The following FCHO1 variants were observed in gnomAD, a reference collection of about 807,000 sequenced individuals.
FCHO1 encodes the protein F-BAR domain only protein 1.
Under a neutral mutation model 114.4 loss-of-function variants are expected in FCHO1, and 45 were observed. The ratio of observed to expected loss-of-function variants is 0.39; its 90% confidence interval spans 0.31 to 0.50. FCHO1 has a LOEUF of 0.50. Among genes scored for constraint, FCHO1 ranks in the 20% least tolerant of loss-of-function variants. FCHO1 has a pLI of 0.77. For synonymous variants in FCHO1, 480 were observed against 488.9 expected (o/e 0.98, Z 0.24); for missense variants, 1,042 against 1,209.6 (o/e 0.86, Z 2.06).
At chr19:17,760,198 G>T (rs1188600628) in intron 4 of FCHO1, among the ~76,000 whole-genome samples, 1 of 151,976 alleles carries the variant, frequency 6.6e-6, no homozygotes, top group Non-Finnish European at 1.5e-5. Context: ...TTATAGGCAT[G>T]TGCCACCACG....
intron 4 of FCHO1, chr19:17,755,536 A>C: frequency 4.5e-6 from 1 of 222,116 alleles, no homozygotes; most frequent in Non-Finnish European, 8.9e-6. Flanking sequence ...CCAGCCAGGG[A>C]ACTTCCACCC....
chr19:17,774,561 T>C, intron 13 of FCHO1, 83 bp downstream of exon 13: 3 of 1,117,068 alleles, frequency 2.7e-6, no homozygotes, highest in East Asian at 4.9e-5. Context: ...AGTCCCCTCC[T>C]AGGATAGCCC....
Position 17,767,205 on chromosome 19 carries a change from A to G in FCHO1, c.336+395A>G, listed in dbSNP as rs559900871. Among the ~76,000 whole-genome samples the G allele has an allele frequency of 4.0e-4, 61 of 151,478 alleles. 1 individual carries two copies. The South Asian group carries it at 0.012, about 30-fold the overall frequency. On this transcript the variant is annotated intron_variant, in intron 7 of 28. Transcript: ENST00000596536. Reference sequence around the variant, plus strand: ...AAGCGAACCTCCTGCCTCAGCCCCCACAGAATAGCTGGGACTACGTTGCAC... The same window carrying G: ...AAGCGAACCTCCTGCCTCAGCCCCCGCAGAATAGCTGGGACTACGTTGCAC...
At chr19:17,762,913 C>T in intron 5 of FCHO1, 60 bp downstream of exon 5, 1 of 1,167,544 alleles carries the variant, frequency 8.6e-7, no homozygotes, top group Non-Finnish European at 1.3e-6. Flanking sequence ...GTCACGCCCA[C>T]CTAATGGCTA....
Position 17,774,282 on chromosome 19 carries a change from A to G in FCHO1, c.834A>G (p.Glu278=). Reference sequence around the variant, plus strand: ...CATACAGTGCGGCTGCCCTGCAGGAAGGCAAGTACGTCTGGGCCTGGATGC... The same window carrying G: ...CATACAGTGCGGCTGCCCTGCAGGAGGGCAAGTACGTCTGGGCCTGGATGC... ...FEAYSAAALQ[E]AMKRLRGAKA... The change falls in exon 12 of 29, where the codon GAA becomes GAG. Residue 278 remains glutamate (E), a splice_region_variant and synonymous_variant. Transcript: ENST00000596536. 6.2e-6 allele frequency: 10 copies of G among 1,614,096 alleles called. No individual in the cohort carries two copies. The highest frequency in any genetic ancestry group is 8.5e-6 in the Non-Finnish European group (10 of 1,180,010).
chr19:17,749,077 C>G (rs1349603826), upstream of FCHO1, among the ~76,000 whole-genome samples: 3 of 152,168 alleles, frequency 2.0e-5, no homozygotes, highest in Non-Finnish European at 4.4e-5. Context: ...CATCGCCACC[C>G]TGGTCTCACC....
rs750765374 is a variant in FCHO1, at chr19:17,787,695, C to A, written c.2496C>A (p.Leu832=). 6.4e-7 allele frequency: 1 copy of A among 1,561,428 alleles called. No homozygotes were observed. Among genetic ancestry groups the A allele is most frequent in the East Asian group, 2.3e-5 (1 of 42,802 alleles). The change falls in exon 28 of 29, where the codon CTC becomes CTA. Residue 832 remains leucine (L), a synonymous_variant. Coordinates refer to ENST00000596536, the MANE Select transcript of FCHO1 (RefSeq NM_015122.3). ...AGGTCTCCCCAGGTTCTGGCCGCCT[C>A]TCTGCCAGCTGGGAGCCGCTCTCAG... ...DVSEAGGSGR[L]SASWEPLSGP...
intron 4 of FCHO1, 131 bp downstream of exon 4, chr19:17,755,322 G>A: frequency 4.8e-6 from 4 of 840,154 alleles, no homozygotes; most frequent in South Asian, 3.3e-5. Context: ...GGAAGTTAAA[G>A]TGGGAAGAGT....
chr19:17,787,561 G>A (rs1288347757), intron 27 of FCHO1, 121 bp from the exon 28 acceptor site: 1 of 1,123,820 alleles, frequency 8.9e-7, no homozygotes, highest in Non-Finnish European at 1.2e-6. Context: ...TCAAAGGGAG[G>A]TCTGATGGGG....
Position 17,776,360 on chromosome 19 carries a change from T to G in FCHO1, c.1207+89T>G. 1.9e-6 allele frequency: 3 copies of G among 1,543,032 alleles called. No homozygotes were observed. Among genetic ancestry groups the G allele is most frequent in the South Asian group, 1.1e-5 (1 of 89,514 alleles). On this transcript the variant is annotated intron_variant, in intron 17 of 28. Transcript: ENST00000596536. The surrounding 1 kb of genome is among the most constrained non-coding windows in gnomAD (Gnocchi z 4.4). ...TTGAATCATAACTCCGTTTTGTAACTTTGGGCAGGCTGCTTAACCACACTG... is the reference window on the plus strand; with the variant it reads ...TTGAATCATAACTCCGTTTTGTAACGTTGGGCAGGCTGCTTAACCACACTG...
At position 17,769,629 on chromosome 19, in the gene FCHO1, ACAC is replaced by A. The variant is rs1286307841; in HGVS notation, c.337-795_337-793del. Among the ~76,000 whole-genome samples the A allele has an allele frequency of 2.1e-4, 28 of 135,580 alleles. No homozygotes were observed. The East Asian group carries it at 5.0e-3, about 24-fold the overall frequency. 88.9% of individuals were successfully genotyped at this position (135,580 alleles called of 152,430 possible). A position where few individuals can be genotyped will look rare whatever the true frequency, so the allele number is the denominator to read the frequency against. On this transcript the variant is annotated intron_variant, in intron 7 of 28. Coordinates refer to ENST00000596536, the MANE Select transcript of FCHO1 (RefSeq NM_015122.3). ...CACACACACACACACACACACACAC[ACAC>A]AAAACGGTGAGTTAAGCAACACAGT...
intron 6 of FCHO1, among the ~76,000 whole-genome samples, chr19:17,765,491 G>A (rs2088563525): frequency 6.6e-6 from 1 of 152,070 alleles, no homozygotes; most frequent in Admixed American, 6.6e-5. Flanking sequence ...GGGCAACATG[G>A]AGAAACCCCT....
At chr19:17,782,865 G>T (rs1377856081) in intron 23 of FCHO1, 152 bp from the exon 24 acceptor site, 2 of 812,118 alleles carry the variant, frequency 2.5e-6, no homozygotes, top group Admixed American at 3.1e-5. Flanking sequence ...GAAAGAGGAG[G>T]TTGGGGGAAA....
intron 4 of FCHO1, among the ~76,000 whole-genome samples, chr19:17,757,127 C>T (rs1048237721): frequency 1.3e-5 from 2 of 148,290 alleles, no homozygotes; most frequent in African/African-American, 2.5e-5. Context: ...AGGTGGAAGT[C>T]GCAGTGAGAT....
Position 17,775,152 on chromosome 19 carries a change from T to C in FCHO1, c.945+72T>C. 1 of 1,510,036 alleles carries C rather than the reference T, an allele frequency of 6.6e-7. No homozygotes were observed. 93.5% of individuals were successfully genotyped at this position (1,510,036 alleles called of 1,614,324 possible). A position where few individuals can be genotyped will look rare whatever the true frequency, so the allele number is the denominator to read the frequency against. Reference sequence around the variant, plus strand: ...TTGATCCCACTCTTGGCTCCTAGAGTCCCGATCCCTACTGGAAACTAAAGA... The same window carrying C: ...TTGATCCCACTCTTGGCTCCTAGAGCCCCGATCCCTACTGGAAACTAAAGA... On this transcript the variant is annotated intron_variant, in intron 14 of 28. Coordinates refer to ENST00000596536, the MANE Select transcript of FCHO1 (RefSeq NM_015122.3). The surrounding 1 kb of genome is among the most constrained non-coding windows in gnomAD (Gnocchi z 5.1).
chr19:17,786,662 G>A (rs779065967), intron 27 of FCHO1, 33 bp downstream of exon 27: 4 of 1,360,866 alleles, frequency 2.9e-6, no homozygotes, highest in Admixed American at 3.5e-5. Flanking sequence ...GGCTGGGTGG[G>A]AGGGACTGGG....
chr19:17,768,645 G>A (rs1382750375), intron 7 of FCHO1, among the ~76,000 whole-genome samples: 1 of 150,308 alleles, frequency 6.7e-6, no homozygotes, highest in Non-Finnish European at 1.5e-5. Flanking sequence ...AGTCAGTTGA[G>A]ATCGCGACAC....
chr19:17,755,435 C>A (rs1479375980), intron 4 of FCHO1: 1 of 377,530 alleles, frequency 2.6e-6, no homozygotes, highest in African/African-American at 2.1e-5. Context: ...AGAGTGGGAA[C>A]GTCTAGGCAA....
At chr19:17,772,764 G>T in intron 11 of FCHO1, 23 bp downstream of exon 11, 1 of 1,596,112 alleles carries the variant, frequency 6.3e-7, no homozygotes, top group South Asian at 1.1e-5. Context: ...AGCCATTGGG[G>T]GTCGGGCTTC....
Sources: allele counts gnomAD v4.1 joint callset (sites outside exome capture counted in the v4.1 genomes callset), GRCh38; gene constraint gnomAD v4.1.1; non-coding constraint Gnocchi (gnomAD v3.1); transcripts MANE v1.5; gene names NCBI Gene and HGNC (gene_info 2026-07-23, HGNC 2026-07-21).